RPS6KA3: variants seen among roughly 807,000 people sequenced by gnomAD.
RPS6KA3 encodes the protein ribosomal protein S6 kinase alpha-3.
RPS6KA3 carries 4 observed loss-of-function variants against 67.2 expected under a neutral mutation model. The ratio of observed to expected loss-of-function variants is 0.06; its 90% CI spans 0.03 to 0.14. The LOEUF is 0.14. Ranked by LOEUF, RPS6KA3 falls within the 10% of genes least tolerant of loss-of-function variation. The pLI is 1.00. For synonymous variants in RPS6KA3, 182 were observed against 183.7 expected (o/e 0.99, Z 0.07); for missense variants, 204 against 559.0 (o/e 0.36, Z 6.40).
At chrX:20,261,970 A>G (rs1042946075) in intron 1 of RPS6KA3, among the ~76,000 whole-genome samples, 2 of 112,044 alleles carry the variant, frequency 1.8e-5, no homozygotes, top group Non-Finnish European at 3.8e-5. Flanking sequence ...CGGGATGTAT[A>G]ATATATGTAC....
At chrX:20,176,758 A>C (rs1487412996) in intron 11 of RPS6KA3, among the ~76,000 whole-genome samples, 2 of 110,317 alleles carry the variant, frequency 1.8e-5, no homozygotes, top group Non-Finnish European at 3.8e-5. Context: ...TGCCTGGCTA[A>C]TTTTTGTATT....
At chrX:20,224,917 T>C (rs1429944955) in intron 2 of RPS6KA3, among the ~76,000 whole-genome samples, 1 of 111,800 alleles carries the variant, frequency 8.9e-6, no homozygotes, top group Non-Finnish European at 1.9e-5. Context: ...CTTCTCTTCC[T>C]GTCCACACAT....
chrX:20,242,234 T>C (rs920090294), intron 1 of RPS6KA3, among the ~76,000 whole-genome samples: 3 of 112,149 alleles, frequency 2.7e-5, no homozygotes, highest in Non-Finnish European at 5.7e-5. Flanking sequence ...AGATTCTAAA[T>C]TCTCTTTCCT....
intron 1 of RPS6KA3, among the ~76,000 whole-genome samples, chrX:20,259,947 A>G (rs2070180762): frequency 9.0e-6 from 1 of 111,276 alleles, no homozygotes; most frequent in Non-Finnish European, 1.9e-5. Context: ...TATACTATTT[A>G]GAGTTCTGTA....
At chrX:20,162,524 T>C (rs910080201) in intron 19 of RPS6KA3, among the ~76,000 whole-genome samples, 1 of 106,060 alleles carries the variant, frequency 9.4e-6, no homozygotes, top group African/African-American at 3.4e-5. Context: ...TGGAAAGATA[T>C]GACAACATCT....
At chrX:20,233,457 G>A (rs1316535764) in intron 2 of RPS6KA3, among the ~76,000 whole-genome samples, 2 of 110,890 alleles carry the variant, frequency 1.8e-5, no homozygotes, top group African/African-American at 6.6e-5. Context: ...AGGTAGATCT[G>A]GCTGGGCATG....
intron 15 of RPS6KA3, 34 bp downstream of exon 15, chrX:20,172,712 T>C (rs772146481): frequency 1.8e-6 from 2 of 1,129,252 alleles, no homozygotes; most frequent in Non-Finnish European, 2.4e-6. Flanking sequence ...GAACAAGAAC[T>C]GTATGAATTG....
intron 4 of RPS6KA3, among the ~76,000 whole-genome samples, chrX:20,201,074 CT>C (rs1288972762): frequency 9.0e-6 from 1 of 111,716 alleles, no homozygotes; most frequent in East Asian, 2.8e-4. Flanking sequence ...CCTATGAATC[CT>C]TTTTTTGAAG....
chrX:20,264,728 C>T (rs374118809), intron 1 of RPS6KA3, among the ~76,000 whole-genome samples: 2 of 112,002 alleles, frequency 1.8e-5, no homozygotes, highest in East Asian at 5.6e-4. Flanking sequence ...ATATTGTTTT[C>T]CTATCACACT....
At chrX:20,164,795 C>T in intron 18 of RPS6KA3, 104 bp downstream of exon 18, 1 of 648,852 alleles carries the variant, frequency 1.5e-6, no homozygotes. Context: ...CTAATTATTT[C>T]TTCAGTAAGT....
At chrX:20,187,157 T>C (rs2068006252) in intron 9 of RPS6KA3, among the ~76,000 whole-genome samples, 1 of 111,738 alleles carries the variant, frequency 8.9e-6, no homozygotes, top group African/African-American at 3.3e-5. Context: ...CTTTAAGTGA[T>C]CCACCTGCCT....
intron 2 of RPS6KA3, among the ~76,000 whole-genome samples, chrX:20,233,753 A>G (rs1295718729): frequency 4.5e-5 from 5 of 111,254 alleles, no homozygotes; most frequent in African/African-American, 1.6e-4. Flanking sequence ...ACCGTGTCTC[A>G]AAAACCCCCC....
At chrX:20,246,203 T>A (rs567710434) in intron 1 of RPS6KA3, among the ~76,000 whole-genome samples, 2 of 109,391 alleles carry the variant, frequency 1.8e-5, no homozygotes, top group African/African-American at 6.7e-5. Flanking sequence ...TTTCAAAGCC[T>A]GGCTTTGTTC....
chrX:20,192,502 A>G (rs2068158465), intron 7 of RPS6KA3, among the ~76,000 whole-genome samples: 1 of 109,953 alleles, frequency 9.1e-6, no homozygotes, highest in Non-Finnish European at 1.9e-5. Context: ...ATCACAAAAG[A>G]AGATTGGTAG....
intron 18 of RPS6KA3, among the ~76,000 whole-genome samples, chrX:20,164,138 GA>G (rs778617917): frequency 3.6e-5 from 4 of 111,453 alleles, no homozygotes; most frequent in Admixed American, 1.9e-4. Context: ...GCAACAGAGG[GA>G]GACCCTGTCC....
intron 1 of RPS6KA3, among the ~76,000 whole-genome samples, chrX:20,253,742 A>G (rs2069952779): frequency 8.9e-6 from 1 of 111,879 alleles, no homozygotes; most frequent in Admixed American, 9.5e-5. Context: ...TTCCTCCTAA[A>G]GATCCAATTA....
chrX:20,195,193 A>G (rs1196099905), intron 4 of RPS6KA3, 48 bp from the exon 5 acceptor site: 1 of 866,651 alleles, frequency 1.2e-6, no homozygotes, highest in Admixed American at 2.3e-5. Context: ...TTCAAAGATA[A>G]TCTTCAAAAC....
rs1395710783 is a variant in RPS6KA3, at chrX:20,217,280, G to C, written c.127-7876C>G. On this transcript the variant is annotated intron_variant, in intron 2 of 21. Transcript: ENST00000379565. ...AAATAATCTAATGTTTCCTTTTCAA[G>C]TTGTGAGAGAAAAATATCATTTTGA... Among the ~76,000 whole-genome samples the C allele has an allele frequency of 1.3e-4, 15 of 112,213 alleles. 1 individual carries two copies. Among genetic ancestry groups the C allele is most frequent in the Non-Finnish European group, 3.8e-5 (2 of 53,182 alleles).
At chrX:20,250,980 G>A (rs762705830) in intron 1 of RPS6KA3, among the ~76,000 whole-genome samples, 2 of 111,709 alleles carry the variant, frequency 1.8e-5, no homozygotes, top group East Asian at 2.8e-4. Flanking sequence ...TTCTCTTTCA[G>A]GGTCTGCTAC....
Sources: gnomAD v4.1 joint callset for allele counts (sites outside exome capture counted in the v4.1 genomes callset) on GRCh38, gnomAD v4.1.1 for gene constraint, MANE v1.5 for transcripts, NCBI Gene and HGNC (gene_info 2026-07-23, HGNC 2026-07-21) for gene names.